Variants in TNFAIP8L3 observed in about 807,000 individuals in gnomAD.
TNFAIP8L3 encodes the protein tumor necrosis factor alpha-induced protein 8-like protein 3.
Under a neutral mutation model 11.8 loss-of-function variants are expected in TNFAIP8L3, and 7 were observed. That is an observed-to-expected ratio of 0.59 (90% CI 0.34 to 1.11). The LOEUF (loss-of-function observed/expected upper bound fraction) is 1.11, where lower values mean the gene tolerates loss of function less well. Ranked by LOEUF, TNFAIP8L3 falls within the 50% of genes most tolerant of loss-of-function variation. The pLI is 0.03. For missense variants in TNFAIP8L3, 219 were observed against 258.6 expected, an observed-to-expected ratio of 0.85 and a Z score of 1.05; for synonymous variants, 98 against 103.8, an observed-to-expected ratio of 0.94 and a Z score of 0.34.
intron 1 of TNFAIP8L3, among the ~76,000 whole-genome samples, chr15:51,104,642 G>T (rs2065576844): frequency 6.6e-6 from 1 of 152,344 alleles, no homozygotes; most frequent in African/African-American, 2.4e-5. Flanking sequence ...GCCAGTGGAT[G>T]CTTTGCTGTG....
At chr15:51,063,072 C>G (rs779525743) in intron 1 of TNFAIP8L3, among the ~76,000 whole-genome samples, 1 of 151,990 alleles carries the variant, frequency 6.6e-6, no homozygotes, top group Non-Finnish European at 1.5e-5. Context: ...TTCCCTGGAG[C>G]CTCCAGGAAA....
intron 1 of TNFAIP8L3, among the ~76,000 whole-genome samples, chr15:51,100,927 G>A (rs953887647): frequency 8.5e-5 from 13 of 152,206 alleles, no homozygotes; most frequent in Non-Finnish European, 2.9e-5. Flanking sequence ...TCCATCCTCT[G>A]TATGGAAAAG....
At chr15:51,064,110 T>G (rs1290800824) in intron 1 of TNFAIP8L3, among the ~76,000 whole-genome samples, 1 of 152,220 alleles carries the variant, frequency 6.6e-6, no homozygotes, top group Non-Finnish European at 1.5e-5. Context: ...CCAAATGTTA[T>G]GGACCACCAA....
At chr15:51,104,671 T>C (rs1305530886) in intron 1 of TNFAIP8L3, among the ~76,000 whole-genome samples, 1 of 152,214 alleles carries the variant, frequency 6.6e-6, no homozygotes, top group Non-Finnish European at 1.5e-5. Flanking sequence ...AGGTTTTGGC[T>C]CTCTGACCTG....
rs1017069616 is a variant in TNFAIP8L3, at chr15:51,085,480, T to C, written c.52+9064A>G. Among the ~76,000 whole-genome samples the C allele has an allele frequency of 2.0e-5, 3 of 152,106 alleles. No individual in the cohort carries two copies. In the East Asian group the frequency reaches 5.8e-4, roughly 29 times the overall value. On this transcript the variant is annotated intron_variant, in intron 1 of 1. Transcript: ENST00000637513. ...CGTGGGCCTGTGCTGGTCTGACCTG[T>C]GGCAAATGGGCCCAGGATGGAGAAA... is the stretch of plus-strand genomic sequence containing the variant.
rs750004586 is a variant in TNFAIP8L3, at chr15:51,058,461, T to A, written c.53-18A>T. The A allele has an allele frequency of 2.8e-5, 41 of 1,479,730 alleles. No homozygotes were observed. The highest frequency in any genetic ancestry group is 3.2e-5 in the Non-Finnish European group (36 of 1,119,938). The allele number at this position is 1,479,730 out of a possible 1,614,324, so 91.7% of individuals were successfully genotyped here. On this transcript the variant is annotated intron_variant, in intron 1 of 1. Transcript: ENST00000637513. ...ATCAGGACCTATGGTAAAAAAAATA[T>A]ATATAAAAGTTTTAGAAATATAAGA... is the stretch of plus-strand genomic sequence containing the variant.
chr15:51,060,211 G>A (rs2065233710), intron 1 of TNFAIP8L3, among the ~76,000 whole-genome samples: 1 of 152,210 alleles, frequency 6.6e-6, no homozygotes, highest in African/African-American at 2.4e-5. Context: ...AGAGCTTTGT[G>A]TGAATAGCTT....
chr15:51,083,418 G>A (rs960359998), intron 1 of TNFAIP8L3, among the ~76,000 whole-genome samples: 3 of 152,156 alleles, frequency 2.0e-5, no homozygotes, highest in African/African-American at 4.8e-5. Flanking sequence ...CACAAAATTA[G>A]TATAGGTAAA....
chr15:51,091,676 GCACACACACACACA>G (rs3077947), intron 1 of TNFAIP8L3, among the ~76,000 whole-genome samples: 11 of 144,108 alleles, frequency 7.6e-5, no homozygotes, highest in Admixed American at 2.1e-4. Context: ...ACCTCCTCAA[GCACACACACACACA>G]CACACACACA....
upstream of TNFAIP8L3, among the ~76,000 whole-genome samples, chr15:51,094,967 G>T (rs1423840127): frequency 6.6e-6 from 1 of 151,898 alleles, no homozygotes; most frequent in African/African-American, 2.4e-5. This position sits in a 1 kb window ranked among gnomAD's most constrained non-coding sequence, Gnocchi z 4.4. Context: ...CTCCCTACCC[G>T]CGCCCTGCGT....
At chr15:51,059,542 A>G (rs1236379272) in intron 1 of TNFAIP8L3, among the ~76,000 whole-genome samples, 1 of 152,210 alleles carries the variant, frequency 6.6e-6, no homozygotes, top group Non-Finnish European at 1.5e-5. Context: ...CTCACTCTAC[A>G]GTATGTATGT....
Position 51,057,824 on chromosome 15 carries a change from G to A in TNFAIP8L3, c.*57C>T, listed in dbSNP as rs901262053. The A allele has an allele frequency of 2.3e-5, 32 of 1,408,712 alleles. No homozygotes were observed. Among genetic ancestry groups the A allele is most frequent in the Non-Finnish European group, 3.0e-5 (31 of 1,036,416 alleles). The allele number at this position is 1,408,712 out of a possible 1,614,324, so 87.3% of individuals were successfully genotyped here. Reference sequence around the variant, plus strand: ...TGCTTATGTTCTTGATTCTCACCCAGATCATGGTTGAGTGCTGTAACTTTA... The same window carrying A: ...TGCTTATGTTCTTGATTCTCACCCAAATCATGGTTGAGTGCTGTAACTTTA... On this transcript the variant is annotated 3_prime_UTR_variant, in exon 2 of 2. Coordinates refer to ENST00000637513, the MANE Select transcript of TNFAIP8L3 (RefSeq NM_001311175.2).
intron 1 of TNFAIP8L3, among the ~76,000 whole-genome samples, chr15:51,083,643 T>G (rs2065407408): frequency 6.6e-6 from 1 of 152,182 alleles, no homozygotes; most frequent in Admixed American, 6.5e-5. Context: ...CCTTGGCCAG[T>G]CTGTAGGCCT....
At chr15:51,081,456 T>G (rs1381357673) in intron 1 of TNFAIP8L3, among the ~76,000 whole-genome samples, 1 of 152,176 alleles carries the variant, frequency 6.6e-6, no homozygotes, top group Non-Finnish European at 1.5e-5. Context: ...GAGAATGGAC[T>G]TGTCCTACAG....
At chr15:51,087,211 A>G (rs1036553890) in intron 1 of TNFAIP8L3, among the ~76,000 whole-genome samples, 14 of 152,184 alleles carry the variant, frequency 9.2e-5, no homozygotes, top group African/African-American at 3.4e-4. Flanking sequence ...GTAACCCCCA[A>G]TCCCAGCCTT....
upstream of TNFAIP8L3, among the ~76,000 whole-genome samples, chr15:51,097,673 T>C (rs1461298659): frequency 6.6e-6 from 1 of 152,214 alleles, no homozygotes; most frequent in Non-Finnish European, 1.5e-5. Context: ...ACTACTGGCA[T>C]GCGTGTGAGT....
chr15:51,087,919 T>TTATATATATATATA (rs6145560), intron 1 of TNFAIP8L3, among the ~76,000 whole-genome samples: 6,031 of 101,292 alleles, frequency 0.06, 745 homozygotes, highest in Non-Finnish European at 0.09. Flanking sequence ...TAGCATACCT[T>TTATATATATATATA]TATATATATA....
chr15:51,086,005 G>A (rs939900763), intron 1 of TNFAIP8L3, among the ~76,000 whole-genome samples: 4 of 152,142 alleles, frequency 2.6e-5, no homozygotes, highest in African/African-American at 9.7e-5. Context: ...ATCCAGCTCT[G>A]AATGTCAAGT....
chr15:51,084,846 A>G (rs2065415842), intron 1 of TNFAIP8L3, among the ~76,000 whole-genome samples: 1 of 152,172 alleles, frequency 6.6e-6, no homozygotes, highest in Admixed American at 6.5e-5. Context: ...TTGTTATAAG[A>G]ATGGATGGTC....
Sources: gnomAD v4.1 joint callset for allele counts (sites outside exome capture counted in the v4.1 genomes callset) on GRCh38, gnomAD v4.1.1 for gene constraint, Gnocchi (gnomAD v3.1) non-coding constraint, MANE v1.5 for transcripts, NCBI Gene and HGNC (gene_info 2026-07-23, HGNC 2026-07-21) for gene names.